The following CDH7 variants were observed in gnomAD, a reference collection of about 807,000 sequenced individuals.
CDH7 encodes cadherin 7.
Under a neutral mutation model 71.8 loss-of-function variants are expected in CDH7, and 25 were observed. That is an observed-to-expected ratio of 0.35 (90% confidence interval 0.25 to 0.49). The LOEUF is 0.49. Ranked by LOEUF, CDH7 falls within the 20% of genes least tolerant of loss-of-function variation. The probability of loss-of-function intolerance (pLI) is 0.99; values close to 1 mark genes in which losing one functional copy is unlikely to be tolerated. For synonymous variants in CDH7, 381 were observed against 363.8 expected (o/e 1.05, Z -0.54); for missense variants, 862 against 974.6 (o/e 0.88, Z 1.54).
At position 65,884,430 on chromosome 18, in the gene CDH7, G is replaced by T. The variant is rs1914315671; in HGVS notation, c.*3536G>T. 1 of 152,128 alleles carries T rather than the reference G, an allele frequency of 6.6e-6. No individual in the cohort carries two copies. Among genetic ancestry groups the T allele is most frequent in the African/African-American group, 2.4e-5 (1 of 41,422 alleles). The allele number at this position is 152,128 out of a possible 1,614,324, so 9.4% of individuals were successfully genotyped here. ...AGCTCTGCTGATGACTACAATTGAG[G>T]TTAGTTGTCTACAAGATACATGCAG... On this transcript the variant is annotated 3_prime_UTR_variant, in exon 12 of 12. Coordinates refer to ENST00000397968, the MANE Select transcript of CDH7 (RefSeq NM_004361.5).
At position 65,796,338 on chromosome 18, in the gene CDH7, T is replaced by C. The variant is rs541460085; in HGVS notation, c.211-13366T>C. On this transcript the variant is annotated intron_variant, in intron 2 of 11. Coordinates refer to ENST00000397968, the MANE Select transcript of CDH7 (RefSeq NM_004361.5). ...TAAATTTTTTTTGGATACAATAGTC[T>C]GAAAATGTTCTAAAAACACTCCTGA... Among the ~76,000 whole-genome samples the C allele has an allele frequency of 2.8e-4, 43 of 152,252 alleles. 1 individual carries two copies. In the South Asian group the frequency reaches 6.0e-3, roughly 21 times the overall value.
intron 11 of CDH7, among the ~76,000 whole-genome samples, chr18:65,869,053 C>A (rs1231374806): frequency 2.6e-5 from 4 of 152,070 alleles, no homozygotes; most frequent in African/African-American, 9.7e-5. Flanking sequence ...GCCTCTTTTC[C>A]TGATTGAATA....
chr18:65,863,981 T>G (rs553419304), intron 11 of CDH7: 24 of 152,308 alleles, frequency 1.6e-4, no homozygotes, highest in African/African-American at 5.5e-4. Flanking sequence ...AAATTTTAAG[T>G]GTTACTGATG....
chr18:65,767,589 C>T (rs763451513), intron 2 of CDH7, among the ~76,000 whole-genome samples: 2 of 152,214 alleles, frequency 1.3e-5, no homozygotes, highest in Non-Finnish European at 1.5e-5. Flanking sequence ...TAGAAGAAAA[C>T]AAAGACAGTT....
chr18:65,775,689 G>A (rs1473669942), intron 2 of CDH7, among the ~76,000 whole-genome samples: 1 of 152,116 alleles, frequency 6.6e-6, no homozygotes, highest in Non-Finnish European at 1.5e-5. Context: ...AGTGTTTTAA[G>A]AAAGTTTATT....
At chr18:65,847,512 C>T (rs2144000965) in intron 7 of CDH7, among the ~76,000 whole-genome samples, 1 of 152,186 alleles carries the variant, frequency 6.6e-6, no homozygotes, top group Non-Finnish European at 1.5e-5. Flanking sequence ...CATTTAGTTG[C>T]CCCCAGCAAG....
At chr18:65,781,819 C>CTTCCTTCCTTCT (rs1491280674) in intron 2 of CDH7, among the ~76,000 whole-genome samples, 29 of 43,906 alleles carry the variant, frequency 6.6e-4, no homozygotes, top group East Asian at 8.6e-4. Context: ...TCCTTCCTTC[C>CTTCCTTCCTTCT]TTCTTTCTTT....
At chr18:65,801,018 G>T (rs1438351401) in intron 2 of CDH7, among the ~76,000 whole-genome samples, 2 of 152,034 alleles carry the variant, frequency 1.3e-5, no homozygotes, top group East Asian at 1.9e-4. Context: ...TGATTTCTTG[G>T]TGTTCTTGCT....
At chr18:65,782,979 A>G (rs1370889914) in intron 2 of CDH7, among the ~76,000 whole-genome samples, 3 of 152,224 alleles carry the variant, frequency 2.0e-5, no homozygotes, top group African/African-American at 7.2e-5. Flanking sequence ...CAAAAAGGAT[A>G]ACTGTTTACA....
chr18:65,797,173 C>A (rs1221824947), intron 2 of CDH7, among the ~76,000 whole-genome samples: 4 of 152,066 alleles, frequency 2.6e-5, no homozygotes, highest in Non-Finnish European at 5.9e-5. Flanking sequence ...AAAATCATGG[C>A]CAGTCTCTCC....
rs1912828497 is a variant in CDH7 at position 65,843,885 on chromosome 18, T to C, written c.1055T>C (p.Phe352Ser). Residue 352 changes from phenylalanine to serine, a missense_variant, in exon 7 of 12, where the codon TTT becomes TCT. Physicochemically the swap from Phe to Ser is radical, Grantham distance 155. Coordinates refer to ENST00000397968, the MANE Select transcript of CDH7 (RefSeq NM_004361.5). The part of the protein sequence containing the change: ...EAANKDADPR[F>S]LSLGPFSDTT... ...GCAAATAAAGATGCCGACCCTCGCT[T>C]TCTGAGCTTGGGTCCGTTCAGTGAC... The C allele has an allele frequency of 6.3e-7, 1 of 1,588,600 alleles. No individual in the cohort carries two copies. The highest frequency in any genetic ancestry group is 8.6e-7 in the Non-Finnish European group (1 of 1,164,344).
chr18:65,885,379 T>G lies in CDH7; in HGVS notation c.*4485T>G, dbSNP rs1206947093. The stretch of plus-strand genomic sequence containing the variant: ...AAAAGGATGTGTGCCTGTGTTTTTT[T>G]TTTTTTTTTTTTTTTTGACGTGGAG... On this transcript the variant is annotated 3_prime_UTR_variant, in exon 12 of 12. Coordinates refer to ENST00000397968, the MANE Select transcript of CDH7 (RefSeq NM_004361.5). 3 of 103,180 alleles carry G rather than the reference T, an allele frequency of 2.9e-5. No individual in the cohort carries two copies. The highest frequency in any genetic ancestry group is 1.0e-4 in the African/African-American group (3 of 29,502). The allele number at this position is 103,180 out of a possible 1,614,324, so 6.4% of individuals were successfully genotyped here.
At chr18:65,768,319 TC>T (rs1269595105) in intron 2 of CDH7, among the ~76,000 whole-genome samples, 1 of 151,750 alleles carries the variant, frequency 6.6e-6, no homozygotes, top group Admixed American at 6.6e-5. Context: ...CACTGCAGCC[TC>T]CGCCTCCCGG....
At chr18:65,823,224 G>T (rs746072851) in intron 5 of CDH7, among the ~76,000 whole-genome samples, 3 of 151,572 alleles carry the variant, frequency 2.0e-5, no homozygotes, top group Admixed American at 6.6e-5. Context: ...ACAAGAAATG[G>T]TATCTCCTGG....
Position 65,809,766 on chromosome 18 carries a change from A to C in CDH7, c.273A>C (p.Ala91=). ...AATACATCTTGTCAGGCGAAGGGGC[A>C]AGTTCCATTTTCATTATTGATGAGA... The part of the protein sequence containing the change: ...SIKYILSGEG[A]SSIFIIDENT... Residue 91 remains alanine, a synonymous_variant, in exon 3 of 12, where the codon GCA becomes GCC. Transcript: ENST00000397968. 1 of 1,614,068 alleles carries C rather than the reference A, an allele frequency of 6.2e-7. No individual in the cohort carries two copies. The highest frequency in any genetic ancestry group is 1.1e-5 in the South Asian group (1 of 91,076).
At chr18:65,782,904 A>G (rs1000721552) in intron 2 of CDH7, among the ~76,000 whole-genome samples, 15 of 152,304 alleles carry the variant, frequency 9.8e-5, no homozygotes, top group Admixed American at 2.0e-4. Flanking sequence ...TCTGGGCGTC[A>G]TTTTAAACAG....
chr18:65,767,138 G>A (rs1163055918), intron 2 of CDH7, among the ~76,000 whole-genome samples: 2 of 146,410 alleles, frequency 1.4e-5, no homozygotes. Flanking sequence ...TACTCATTCA[G>A]GGAAAGTTTA....
chr18:65,832,093 G>A (rs1020018515), intron 6 of CDH7, among the ~76,000 whole-genome samples: 1 of 152,132 alleles, frequency 6.6e-6, no homozygotes, highest in Non-Finnish European at 1.5e-5. Context: ...TCTGGATAGA[G>A]TCATTTCTAT....
intron 7 of CDH7, among the ~76,000 whole-genome samples, chr18:65,850,584 TTATTATTATTA>T (rs1913113201): frequency 1.6e-3 from 1 of 630 alleles, no homozygotes; most frequent in Non-Finnish European, 0.016. Context: ...AGAGGTTTTA[TTATTATTATTA>T]TTATTATTAT....
Sources: gnomAD v4.1 joint callset for allele counts (sites outside exome capture counted in the v4.1 genomes callset) on GRCh38, gnomAD v4.1.1 for gene constraint, MANE v1.5 for transcripts, NCBI Gene and HGNC (gene_info 2026-07-23, HGNC 2026-07-21) for gene names.